The following CALCRL variants were observed in gnomAD, a reference collection of about 807,000 sequenced individuals.
The protein encoded by CALCRL is calcitonin gene-related peptide type 1 receptor.
In CALCRL, 27 loss-of-function variants were observed where a neutral mutation model predicts 60.4. The ratio of observed to expected loss-of-function variants is 0.45; its 90% CI spans 0.33 to 0.62. The LOEUF is 0.62. CALCRL is among the 20% of genes least tolerant of loss of function. The pLI, the probability that CALCRL is intolerant of heterozygous loss-of-function variation, is 0.03. For synonymous variants in CALCRL, 190 were observed against 182.6 expected (o/e 1.04, Z -0.33); for missense variants, 424 against 540.7 (o/e 0.78, Z 2.14).
chr2:187,424,225 C>T (rs1049484716), intron 1 of CALCRL, among the ~76,000 whole-genome samples: 1 of 152,020 alleles, frequency 6.6e-6, no homozygotes, highest in Non-Finnish European at 1.5e-5. Context: ...AAGCTTTACC[C>T]TCCTTTAAAT....
chr2:187,401,809 A>G (rs1379181391), intron 1 of CALCRL, among the ~76,000 whole-genome samples: 1 of 151,708 alleles, frequency 6.6e-6, no homozygotes, highest in East Asian at 1.9e-4. Context: ...AAATATTAGC[A>G]AGAAAAAATG....
intron 1 of CALCRL, among the ~76,000 whole-genome samples, chr2:187,446,336 A>G (rs923213181): frequency 6.6e-6 from 1 of 151,684 alleles, no homozygotes; most frequent in African/African-American, 2.4e-5. Context: ...ATGTCCTCAA[A>G]TATTTCCTTT....
rs1686509047 is a variant in CALCRL, at chr2:187,351,051, C to T, written c.1170+869G>A. Among the ~76,000 whole-genome samples the T allele has an allele frequency of 6.3e-4, 2 of 3,164 alleles. 1 individual carries two copies. Among genetic ancestry groups the T allele is most frequent in the Non-Finnish European group, 1.5e-3 (2 of 1,360 alleles). 2.1% of individuals were successfully genotyped at this position (3,164 alleles called of 152,430 possible). A position where few individuals can be genotyped will look rare whatever the true frequency, so the allele number is the denominator to read the frequency against. ...CTGTAATCCCAGCACTTTGGGAGGC[C>T]GAGGCGGGCGGATCACAAGGTCAGG... On this transcript the variant is annotated intron_variant, in intron 14 of 14. Transcript: ENST00000392370.
intron 1 of CALCRL, among the ~76,000 whole-genome samples, chr2:187,442,423 G>T (rs937238425): frequency 2.6e-5 from 4 of 151,192 alleles, no homozygotes; most frequent in African/African-American, 7.3e-5. Context: ...CTCAATGTGG[G>T]TCTTAATTTA....
At chr2:187,359,319 G>T in intron 10 of CALCRL, 47 bp from the exon 11 acceptor site, 1 of 1,376,206 alleles carries the variant, frequency 7.3e-7, no homozygotes, top group Non-Finnish European at 9.8e-7. Context: ...TTTTTCTACA[G>T]ATGGTATTTC....
chr2:187,419,560 G>C (rs540867659), intron 1 of CALCRL, among the ~76,000 whole-genome samples: 2 of 152,108 alleles, frequency 1.3e-5, no homozygotes, highest in South Asian at 4.1e-4. Flanking sequence ...GCTTGGGCCA[G>C]CTCACAGAAC....
chr2:187,363,591 C>T, intron 8 of CALCRL, 89 bp from the exon 9 acceptor site: 1 of 1,265,374 alleles, frequency 7.9e-7, no homozygotes. Context: ...CAATTCATAG[C>T]AGCTGATCCA....
intron 1 of CALCRL, among the ~76,000 whole-genome samples, chr2:187,391,390 C>T (rs889834698): frequency 6.6e-6 from 1 of 152,060 alleles, no homozygotes; most frequent in East Asian, 1.9e-4. Context: ...ATAATAGTTT[C>T]CTTTTAATTT....
intron 8 of CALCRL, among the ~76,000 whole-genome samples, chr2:187,369,254 T>G (rs1687422764): frequency 6.6e-6 from 1 of 152,118 alleles, no homozygotes. Context: ...CTTTTCCTGG[T>G]CTTCTAGTGA....
At chr2:187,388,100 T>C (rs1368328428) in intron 1 of CALCRL, among the ~76,000 whole-genome samples, 5 of 151,980 alleles carry the variant, frequency 3.3e-5, no homozygotes, top group African/African-American at 9.7e-5. Context: ...TTTCATAGAA[T>C]TACTAAAATG....
intron 7 of CALCRL, among the ~76,000 whole-genome samples, chr2:187,380,103 G>C (rs928999183): frequency 6.6e-6 from 1 of 152,246 alleles, no homozygotes; most frequent in East Asian, 1.9e-4. Flanking sequence ...ACCCTGCTGG[G>C]CTTATCCTGT....
chr2:187,387,113 A>T (rs574480029), intron 3 of CALCRL, among the ~76,000 whole-genome samples: 1 of 152,332 alleles, frequency 6.6e-6, no homozygotes, highest in South Asian at 2.1e-4. Flanking sequence ...ATTTCCGATC[A>T]ACAGATATTT....
At chr2:187,437,766 G>A (rs973320249) in intron 1 of CALCRL, among the ~76,000 whole-genome samples, 7 of 152,246 alleles carry the variant, frequency 4.6e-5, no homozygotes, top group African/African-American at 1.7e-4. Flanking sequence ...AACAGGAAAG[G>A]ATAGTGGTAG....
chr2:187,402,122 G>T (rs1485047255), intron 1 of CALCRL, among the ~76,000 whole-genome samples: 1 of 151,118 alleles, frequency 6.6e-6, no homozygotes, highest in African/African-American at 2.4e-5. Context: ...TGTTTCTCTG[G>T]TGTGTCTCAA....
chr2:187,357,772 G>A (rs994631040), intron 12 of CALCRL, among the ~76,000 whole-genome samples: 11 of 151,222 alleles, frequency 7.3e-5, no homozygotes, highest in Non-Finnish European at 1.6e-4. Flanking sequence ...TTGTGCACAT[G>A]TACCCTAAAA....
At chr2:187,441,761 C>T (rs913091880) in intron 1 of CALCRL, among the ~76,000 whole-genome samples, 1 of 151,742 alleles carries the variant, frequency 6.6e-6, no homozygotes, top group Non-Finnish European at 1.5e-5. Context: ...TTTTAGCATA[C>T]AGGAAAATAT....
At chr2:187,427,285 C>G (rs957423793) in intron 1 of CALCRL, among the ~76,000 whole-genome samples, 1 of 152,086 alleles carries the variant, frequency 6.6e-6, no homozygotes, top group African/African-American at 2.4e-5. Context: ...GCTGTTTCTG[C>G]CTATGTGGTA....
intron 1 of CALCRL, among the ~76,000 whole-genome samples, chr2:187,413,478 T>C (rs1288600546): frequency 1.3e-5 from 2 of 152,120 alleles, no homozygotes; most frequent in African/African-American, 2.4e-5. Flanking sequence ...TTCCCTCCCA[T>C]ATGAGAAAAG....
At chr2:187,436,164 A>G (rs1215320797) in intron 1 of CALCRL, among the ~76,000 whole-genome samples, 2 of 152,142 alleles carry the variant, frequency 1.3e-5, no homozygotes, top group African/African-American at 4.8e-5. Context: ...TTACTGACTT[A>G]TTTTGTTATT....
Sources: gnomAD v4.1 joint callset for allele counts (sites outside exome capture counted in the v4.1 genomes callset) on GRCh38, gnomAD v4.1.1 for gene constraint, MANE v1.5 for transcripts, NCBI Gene and HGNC (gene_info 2026-07-23, HGNC 2026-07-21) for gene names.